The following COL24A1 variants were observed in gnomAD, a reference collection of about 807,000 sequenced individuals.
COL24A1 encodes the protein collagen alpha-1(XXIV) chain.
A neutral mutation model predicts 253.9 loss-of-function variants in COL24A1; 224 were observed. That is an observed-to-expected ratio of 0.88 (90% CI 0.79 to 0.99). The LOEUF is 0.99. Ranked by LOEUF, COL24A1 falls within the 50% of genes least tolerant of loss-of-function variation. The pLI, the probability that COL24A1 is intolerant of heterozygous loss-of-function variation, is 0.00. For missense variants in COL24A1, 2,131 were observed against 2,068.5 expected (o/e 1.03, Z -0.59); for synonymous variants, 685 against 673.7 (o/e 1.02, Z -0.26).
intron 38 of COL24A1, among the ~76,000 whole-genome samples, chr1:85,848,934 T>C (rs1308520176): frequency 6.6e-6 from 1 of 152,150 alleles, no homozygotes; most frequent in East Asian, 1.9e-4. Context: ...TCTTCATATA[T>C]GGAAAAAATA....
At chr1:86,090,047 C>A (rs760003336) in intron 6 of COL24A1, among the ~76,000 whole-genome samples, 1 of 152,076 alleles carries the variant, frequency 6.6e-6, no homozygotes, top group African/African-American at 2.4e-5. Flanking sequence ...TTCCATCCTG[C>A]GTGCCAGCTA....
At chr1:86,040,513 C>T (rs902947882) in intron 12 of COL24A1, among the ~76,000 whole-genome samples, 1 of 137,302 alleles carries the variant, frequency 7.3e-6, no homozygotes, top group Non-Finnish European at 1.5e-5. Context: ...ATGTTATCCA[C>T]CCTGAAGATA....
Position 85,738,110 on chromosome 1 carries a change from A to C in COL24A1, c.4673-605T>G, listed in dbSNP as rs77147618. On this transcript the variant is annotated intron_variant, in intron 57 of 59. Transcript: ENST00000370571. ...AATTGATTGCTTCATTCTACAGATAAGAAGATGTGCTCAGCAACTAAAAGT... is the reference window on the plus strand; with the variant it reads ...AATTGATTGCTTCATTCTACAGATACGAAGATGTGCTCAGCAACTAAAAGT... Among the ~76,000 whole-genome samples the C allele has an allele frequency of 6.5e-3, 990 of 152,278 alleles. 22 individuals are homozygous for C. The highest frequency in any genetic ancestry group is 0.05 in the East Asian group (257 of 5,186).
intron 37 of COL24A1, among the ~76,000 whole-genome samples, chr1:85,853,444 C>T (rs1038509420): frequency 1.3e-5 from 2 of 152,148 alleles, no homozygotes; most frequent in African/African-American, 4.8e-5. Flanking sequence ...AATGCGCATG[C>T]ATCTTTATGG....
intron 5 of COL24A1, among the ~76,000 whole-genome samples, chr1:86,106,477 T>A (rs1704989889): frequency 2.6e-5 from 4 of 152,256 alleles, no homozygotes; most frequent in African/African-American, 9.6e-5. Context: ...AGGCCTTTTT[T>A]TGGAAAAGAA....
At chr1:86,016,066 G>T (rs1203396501) in intron 19 of COL24A1, among the ~76,000 whole-genome samples, 2 of 151,004 alleles carry the variant, frequency 1.3e-5, no homozygotes, top group Admixed American at 6.6e-5. Context: ...TTAGCAACAG[G>T]GTCTCACTAT....
At chr1:85,845,668 A>G (rs1373788709) in intron 39 of COL24A1, among the ~76,000 whole-genome samples, 1 of 151,918 alleles carries the variant, frequency 6.6e-6, no homozygotes, top group Non-Finnish European at 1.5e-5. Context: ...AGATCAAAAT[A>G]TAATAGCACC....
intron 55 of COL24A1, among the ~76,000 whole-genome samples, chr1:85,759,750 C>T (rs1042869065): frequency 1.3e-5 from 2 of 152,186 alleles, no homozygotes; most frequent in Non-Finnish European, 2.9e-5. Context: ...AAAAACCTCT[C>T]ATGTCTTACT....
intron 31 of COL24A1, 75 bp from the exon 32 acceptor site, chr1:85,889,688 T>G: frequency 7.8e-7 from 1 of 1,285,866 alleles, no homozygotes; most frequent in South Asian, 1.2e-5. Context: ...TACCTTAGCT[T>G]TCCTATGGAT....
At position 86,125,487 on chromosome 1, in the gene COL24A1, T is replaced by C; in HGVS notation, c.849A>G (p.Thr283=). Residue 283 remains threonine, a synonymous_variant, in exon 3 of 60, where the codon ACA becomes ACG. Transcript: ENST00000370571. ...LFAEKVLSED[T]FTEGKSIPNI... The stretch of plus-strand genomic sequence containing the variant: ...TTGGAATGCTTTTGCCTTCAGTAAA[T>C]GTATCCTCTGACAGTACTTTTTCAG... The C allele has an allele frequency of 1.9e-6, 3 of 1,613,672 alleles. No homozygotes were observed. The highest frequency in any genetic ancestry group is 2.2e-5 in the East Asian group (1 of 44,850).
At chr1:85,887,350 TG>T (rs2102718070) in intron 32 of COL24A1, among the ~76,000 whole-genome samples, 1 of 152,274 alleles carries the variant, frequency 6.6e-6, no homozygotes, top group East Asian at 1.9e-4. Context: ...TGAAGGCGAT[TG>T]GGTACAGTTG....
intron 52 of COL24A1, among the ~76,000 whole-genome samples, chr1:85,776,715 A>C (rs1668581577): frequency 6.6e-6 from 1 of 151,968 alleles, no homozygotes; most frequent in African/African-American, 2.4e-5. Context: ...ATACCCTTAC[A>C]GTCTAAAATT....
intron 12 of COL24A1, among the ~76,000 whole-genome samples, chr1:86,040,187 C>T (rs1419886461): frequency 1.3e-5 from 2 of 152,098 alleles, no homozygotes; most frequent in Non-Finnish European, 2.9e-5. Context: ...AGAGTCCCAC[C>T]TTATTCTTGC....
At chr1:85,995,425 C>T (rs1260134451) in intron 19 of COL24A1, among the ~76,000 whole-genome samples, 1 of 152,024 alleles carries the variant, frequency 6.6e-6, no homozygotes, top group Non-Finnish European at 1.5e-5. Flanking sequence ...AGGGAAACTA[C>T]AAAGTTAGCT....
At chr1:85,882,639 C>T (rs527819237) in intron 32 of COL24A1, among the ~76,000 whole-genome samples, 18 of 152,162 alleles carry the variant, frequency 1.2e-4, no homozygotes, top group African/African-American at 3.1e-4. Context: ...AGTTGACTTA[C>T]GGTACTAACT....
chr1:85,915,561 G>A (rs1286288698), intron 24 of COL24A1, among the ~76,000 whole-genome samples: 1 of 152,126 alleles, frequency 6.6e-6, no homozygotes, highest in Non-Finnish European at 1.5e-5. Flanking sequence ...AATCAAATCT[G>A]AGCAGGAAAA....
In COL24A1 at chr1:86,156,511, A is replaced by C; in HGVS notation, c.-115T>G. 2 of 946,992 alleles carry C rather than the reference A, an allele frequency of 2.1e-6. No homozygotes were observed. The highest frequency in any genetic ancestry group is 2.9e-5 in the Admixed American group (1 of 33,940). The allele number at this position is 946,992 out of a possible 1,614,324, so 58.7% of individuals were successfully genotyped here. On this transcript the variant is annotated 5_prime_UTR_variant, in exon 1 of 60. The change abolishes an upstream ATG in the 5' untranslated region. Coordinates refer to ENST00000370571, the MANE Select transcript of COL24A1 (RefSeq NM_152890.7). ...GGGAAAAAACAATCACATGAAAACCATGCTTCAAACCCGCAACAAGAAAAA... is the reference window on the plus strand; with the variant it reads ...GGGAAAAAACAATCACATGAAAACCCTGCTTCAAACCCGCAACAAGAAAAA...
chr1:85,995,905 C>G (rs559788781), intron 19 of COL24A1, among the ~76,000 whole-genome samples: 1 of 152,270 alleles, frequency 6.6e-6, no homozygotes, highest in East Asian at 1.9e-4. Context: ...TGTTAAGTTT[C>G]CTGGGGCCTC....
intron 6 of COL24A1, among the ~76,000 whole-genome samples, chr1:86,091,376 T>C (rs1247980229): frequency 6.6e-6 from 1 of 152,074 alleles, no homozygotes; most frequent in African/African-American, 2.4e-5. Context: ...CAATTGTTTC[T>C]GTAAGCCAAT....
Sources: allele counts gnomAD v4.1 joint callset (sites outside exome capture counted in the v4.1 genomes callset), GRCh38; gene constraint gnomAD v4.1.1; transcripts MANE v1.5; gene names NCBI Gene and HGNC (gene_info 2026-07-23, HGNC 2026-07-21).